Variants in IRAG2 observed in about 807,000 individuals in gnomAD.
IRAG2 encodes inositol 1,4,5-triphosphate receptor associated 2, also known as lymphoid restricted membrane protein.
Under a neutral mutation model 69.9 loss-of-function variants are expected in IRAG2, and 45 were observed. The observed-to-expected ratio is 0.64, with a 90% CI of 0.51 to 0.83. The LOEUF (loss-of-function observed/expected upper bound fraction) is 0.83, where lower values mean the gene tolerates loss of function less well. Among genes scored for constraint, IRAG2 ranks in the 40% least tolerant of loss-of-function variants. IRAG2 has a pLI of 0.00. For missense variants in IRAG2, 520 were observed against 587.0 expected, an observed-to-expected ratio of 0.89 and a Z score of 1.18; for synonymous variants, 193 against 202.4, an observed-to-expected ratio of 0.95 and a Z score of 0.40.
intron 6 of IRAG2, among the ~76,000 whole-genome samples, chr12:25,072,693 G>A (rs1305283172): frequency 6.6e-6 from 1 of 152,130 alleles, no homozygotes; most frequent in Non-Finnish European, 1.5e-5. Context: ...CTAAATGATG[G>A]ATTCTGTCAA....
rs1471009583 is a variant in IRAG2 at position 25,011,339 on chromosome 12, T to G, written c.689-5T>G. The G allele has an allele frequency of 2.4e-6, 3 of 1,231,202 alleles. No individual in the cohort carries two copies. The African/African-American group carries it at 4.7e-5, about 19-fold the overall frequency. 76.3% of individuals were successfully genotyped at this position (1,231,202 alleles called of 1,614,324 possible). A position where few individuals can be genotyped will look rare whatever the true frequency, so the allele number is the denominator to read the frequency against. ...TGTGAAAAATATAACTTTTCTGTCT[T>G]TCAGAACTGATCTGCTCTTCTTTTT... On this transcript the variant is annotated splice_region_variant and splice_polypyrimidine_tract_variant and intron_variant, in intron 2 of 38. Coordinates refer to the IRAG2 transcript ENST00000636465.
At chr12:25,036,343 G>T (rs1663389050) in intron 14 of IRAG2, among the ~76,000 whole-genome samples, 1 of 152,128 alleles carries the variant, frequency 6.6e-6, no homozygotes, top group African/African-American at 2.4e-5. Flanking sequence ...TAAAAAGATG[G>T]GGTTTGTTCT....
intron 5 of IRAG2, chr12:25,015,498 T>A: frequency 1.0e-6 from 1 of 988,102 alleles, no homozygotes; most frequent in Non-Finnish European, 1.3e-6. Flanking sequence ...TAAATCTACG[T>A]ATTTCAGTTA....
chr12:25,013,866 CTTT>C (rs71063386), intron 3 of IRAG2, among the ~76,000 whole-genome samples: 944 of 79,286 alleles, frequency 0.012, 1 homozygote, highest in Admixed American at 0.014. Flanking sequence ...TTTTCTTTTT[CTTT>C]TTTTTTTTTT....
chr12:25,106,936 T>G lies in IRAG2; in HGVS notation c.1149-7T>G, dbSNP rs773228039. The G allele has an allele frequency of 1.4e-6, 2 of 1,413,066 alleles. No homozygotes were observed. The highest frequency in any genetic ancestry group is 2.0e-6 in the Non-Finnish European group (2 of 1,021,350). The allele number at this position is 1,413,066 out of a possible 1,614,324, so 87.5% of individuals were successfully genotyped here. A position where few individuals can be genotyped will look rare whatever the true frequency, so the allele number is the denominator to read the frequency against. On this transcript the variant is annotated splice_polypyrimidine_tract_variant and splice_region_variant and intron_variant, in intron 20 of 21. Coordinates refer to ENST00000556887, the MANE Select transcript of IRAG2 (RefSeq NM_001366544.2). Reference sequence around the variant, plus strand: ...TTTCAAATATTAAAAACAACATTTATTTACAGAACTAAAGATGACTCAGAG... The same window carrying G: ...TTTCAAATATTAAAAACAACATTTAGTTACAGAACTAAAGATGACTCAGAG...
intron 6 of IRAG2, among the ~76,000 whole-genome samples, chr12:25,019,931 T>A (rs1819658758): frequency 2.0e-5 from 3 of 152,234 alleles, no homozygotes. Context: ...CTTTTGATTC[T>A]TATCATACTG....
chr12:25,093,852 A>G (rs765829875), intron 14 of IRAG2: 1 of 153,372 alleles, frequency 6.5e-6, no homozygotes, highest in African/African-American at 2.4e-5. Context: ...TTCTTTGAAT[A>G]TCATGGACCT....
chr12:25,020,881 A>G, exon 7 of IRAG2: 1 of 1,231,834 alleles, frequency 8.1e-7, no homozygotes, highest in Non-Finnish European at 1.0e-6. Context: ...GCAGAAGAGC[A>G]TGATTGTAGC....
intron 7 of IRAG2, chr12:25,021,099 TTTTTTC>T (rs2139835159): frequency 4.2e-5 from 14 of 333,262 alleles, no homozygotes; most frequent in Middle Eastern, 7.8e-4. Flanking sequence ...TTCTTTTTTT[TTTTTTC>T]TTTTTTTCTT....
chr12:25,020,117 A>G (rs16928338), intron 6 of IRAG2, among the ~76,000 whole-genome samples: 3,193 of 152,340 alleles, frequency 0.021, 46 homozygotes, highest in East Asian at 0.086. Context: ...AAAAAATTGT[A>G]TCTCCTTTGA....
intron 2 of IRAG2, among the ~76,000 whole-genome samples, chr12:25,061,944 A>C (rs923903189): frequency 3.9e-5 from 6 of 152,196 alleles, no homozygotes; most frequent in Non-Finnish European, 5.9e-5. Flanking sequence ...CCAGTTTTTC[A>C]GTCTTGGGGA....
intron 1 of IRAG2, among the ~76,000 whole-genome samples, chr12:25,055,478 C>T (rs1290101185): frequency 6.6e-6 from 1 of 151,988 alleles, no homozygotes; most frequent in Non-Finnish European, 1.5e-5. Flanking sequence ...TTTTATTATA[C>T]TTATGTTCTA....
chr12:25,083,639 G>A lies in IRAG2; in HGVS notation c.315+146G>A, dbSNP rs1392786274. The A allele has an allele frequency of 4.0e-5, 22 of 555,638 alleles. No individual in the cohort carries two copies. In the Admixed American group the frequency reaches 5.0e-4, roughly 13 times the overall value. 34.4% of individuals were successfully genotyped at this position (555,638 alleles called of 1,614,324 possible). On this transcript the variant is annotated intron_variant, in intron 10 of 21. Coordinates refer to ENST00000556887, the MANE Select transcript of IRAG2 (RefSeq NM_001366544.2). ...ATATAATTTAATTAATATTTTATAG[G>A]CAAAGTAGTTGAGGCCAAAGTGTTT...
intron 20 of IRAG2, among the ~76,000 whole-genome samples, chr12:25,105,372 G>A (rs1454625351): frequency 3.3e-5 from 5 of 152,126 alleles, no homozygotes; most frequent in South Asian, 4.2e-4. Context: ...CACTGCGCCC[G>A]GCCTTCAGTT....
chr12:25,029,136 T>A (rs1944649125), intron 9 of IRAG2, among the ~76,000 whole-genome samples: 1 of 152,200 alleles, frequency 6.6e-6, no homozygotes, highest in Non-Finnish European at 1.5e-5. Flanking sequence ...TCTTGCTATG[T>A]TGCCCAAGCT....
intron 14 of IRAG2, among the ~76,000 whole-genome samples, chr12:25,095,373 C>T (rs967216710): frequency 6.6e-5 from 10 of 152,108 alleles, no homozygotes; most frequent in African/African-American, 2.4e-4. Flanking sequence ...AATCTTATCA[C>T]ATGCTTCTTC....
chr12:25,026,897 T>A, intron 9 of IRAG2: 1 of 1,075,744 alleles, frequency 9.3e-7, no homozygotes, highest in Non-Finnish European at 1.2e-6. Flanking sequence ...GGTAAAATAT[T>A]TTTTTTCTGT....
At chr12:25,041,629 G>A (rs868549859) in intron 16 of IRAG2, among the ~76,000 whole-genome samples, 2 of 150,132 alleles carry the variant, frequency 1.3e-5, no homozygotes, top group Non-Finnish European at 3.0e-5. Context: ...AGACTCCCAA[G>A]TAGCTGTATG....
rs186678018 is a variant in IRAG2 at position 25,017,216 on chromosome 12, T to A, written c.1138T>A (p.Leu380Met). 75 of 1,232,146 alleles carry A rather than the reference T, an allele frequency of 6.1e-5. No individual in the cohort carries two copies. The Admixed American group carries it at 9.7e-4, about 16-fold the overall frequency. The allele number at this position is 1,232,146 out of a possible 1,614,324, so 76.3% of individuals were successfully genotyped here. ...TGAGGAAGAAAATAATAAGTTTAAG[T>A]TGGCTTTAGAAACCCTGGAAGAAAC... The change falls in exon 6 of 39, where the codon TTG (leucine) becomes ATG (methionine). Residue 380 changes from leucine to methionine, a missense_variant. Transcript: ENST00000636465.
Sources: gnomAD v4.1 joint callset for allele counts (sites outside exome capture counted in the v4.1 genomes callset) on GRCh38, gnomAD v4.1.1 for gene constraint, MANE v1.5 for transcripts, NCBI Gene and HGNC (gene_info 2026-07-23, HGNC 2026-07-21) for gene names.